DCAF7: variants seen among roughly 807,000 people sequenced by gnomAD.
DCAF7 encodes the protein DDB1- and CUL4-associated factor 7.
DCAF7 carries 4 observed loss-of-function variants against 41.2 expected under a neutral mutation model. The ratio of observed to expected loss-of-function variants is 0.10; its 90% CI spans 0.05 to 0.22. The LOEUF is 0.22. Ranked by LOEUF, DCAF7 falls within the 10% of genes least tolerant of loss-of-function variation. The probability of loss-of-function intolerance (pLI) is 1.00; values close to 1 mark genes in which losing one functional copy is unlikely to be tolerated. For missense variants in DCAF7, 131 were observed against 443.2 expected (o/e 0.30, Z 6.32); for synonymous variants, 143 against 164.2 (o/e 0.87, Z 0.99).
intron 1 of DCAF7, among the ~76,000 whole-genome samples, chr17:63,564,947 T>C (rs772077341): frequency 5.3e-5 from 8 of 152,212 alleles, no homozygotes; most frequent in Admixed American, 6.5e-5. Context: ...ATGAGAGTGC[T>C]ACTAACAATT....
rs1356879619 is a variant in DCAF7 at position 63,589,270 on chromosome 17, G to A, written c.*98G>A. ...GAAACATGTTTCCAGTGGCCAGTATGTCTTTCATTGCTTTGCACCCACTGT... is the reference window on the plus strand; with the variant it reads ...GAAACATGTTTCCAGTGGCCAGTATATCTTTCATTGCTTTGCACCCACTGT... On this transcript the variant is annotated 3_prime_UTR_variant, in exon 7 of 7. Transcript: ENST00000614556. 1 of 1,494,048 alleles carries A rather than the reference G, an allele frequency of 6.7e-7. No homozygotes were observed. The highest frequency in any genetic ancestry group is 9.2e-7 in the Non-Finnish European group (1 of 1,089,278). The allele number at this position is 1,494,048 out of a possible 1,614,324, so 92.5% of individuals were successfully genotyped here.
intron 1 of DCAF7, among the ~76,000 whole-genome samples, chr17:63,569,488 TACCACCAGGCCTG>T (rs1303386839): frequency 6.6e-6 from 1 of 152,024 alleles, no homozygotes; most frequent in African/African-American, 2.4e-5. Flanking sequence ...ATTCCAACAG[TACCACCAGGCCTG>T]ATCTCCAGGC....
chr17:63,550,577 C>T lies in DCAF7; in HGVS notation c.-101C>T, dbSNP rs780877170. 75 of 1,520,178 alleles carry T rather than the reference C, an allele frequency of 4.9e-5. No homozygotes were observed. Among genetic ancestry groups the T allele is most frequent in the Non-Finnish European group, 6.5e-5 (73 of 1,130,812 alleles). The allele number at this position is 1,520,178 out of a possible 1,614,324, so 94.2% of individuals were successfully genotyped here. On this transcript the variant is annotated 5_prime_UTR_variant, in exon 1 of 7. Transcript: ENST00000614556. The surrounding 1 kb of genome is among the most constrained non-coding windows in gnomAD (Gnocchi z 4.8). ...TTCCGGGTTAGGCCGTTCCTGCCCG[C>T]CCCCTCCTCTCCTCCCTTCGGACCC... is the stretch of plus-strand genomic sequence containing the variant.
At chr17:63,562,618 A>G (rs2033395291) in intron 1 of DCAF7, among the ~76,000 whole-genome samples, 3 of 151,204 alleles carry the variant, frequency 2.0e-5, no homozygotes, top group Admixed American at 2.0e-4. Context: ...TACACGTGCC[A>G]TGCTGGTGCG....
intron 6 of DCAF7, 59 bp from the exon 7 acceptor site, chr17:63,588,941 G>T (rs1045188957): frequency 2.6e-6 from 4 of 1,528,486 alleles, no homozygotes; most frequent in Non-Finnish European, 3.5e-6. Context: ...TGAAATGCAG[G>T]GATCATCATC....
At chr17:63,582,715 C>T (rs1190373873) in intron 4 of DCAF7, among the ~76,000 whole-genome samples, 1 of 152,110 alleles carries the variant, frequency 6.6e-6, no homozygotes, top group Non-Finnish European at 1.5e-5. Context: ...GTGATCCGCC[C>T]GCCTCAGCCT....
intron 1 of DCAF7, among the ~76,000 whole-genome samples, chr17:63,562,275 G>A (rs1032600067): frequency 1.3e-5 from 2 of 152,100 alleles, no homozygotes; most frequent in Admixed American, 1.3e-4. Context: ...AATTCACAGT[G>A]TATGATGAAA....
chr17:63,560,449 G>GA (rs1263665788), intron 1 of DCAF7, among the ~76,000 whole-genome samples: 1 of 152,168 alleles, frequency 6.6e-6, no homozygotes, highest in African/African-American at 2.4e-5. Context: ...GCTGTTAAAA[G>GA]AATGAGCTAG....
At chr17:63,588,366 T>C (rs961334232) in intron 6 of DCAF7, among the ~76,000 whole-genome samples, 4 of 151,234 alleles carry the variant, frequency 2.6e-5, no homozygotes, top group Non-Finnish European at 5.9e-5. Context: ...TTGTATTTTT[T>C]TTTTTTTTTT....
At position 63,585,174 on chromosome 17, in the gene DCAF7, C is replaced by T. The variant is rs774069397; in HGVS notation, c.739-37C>T. On this transcript the variant is annotated intron_variant, in intron 5 of 6. Transcript: ENST00000614556. Reference sequence around the variant, plus strand: ...ATTTTTTGTTTTTTTCTATGAAACTCTGATGATCCCAGGCCTTTTACTTGT... The same window carrying T: ...ATTTTTTGTTTTTTTCTATGAAACTTTGATGATCCCAGGCCTTTTACTTGT... 5.1e-6 allele frequency: 8 copies of T among 1,554,860 alleles called. No individual in the cohort carries two copies. In the South Asian group the frequency reaches 9.2e-5, roughly 18 times the overall value.
intron 1 of DCAF7, among the ~76,000 whole-genome samples, chr17:63,571,956 A>G (rs565406690): frequency 4.6e-5 from 7 of 152,048 alleles, no homozygotes; most frequent in South Asian, 4.1e-4. Flanking sequence ...TGTAGGCAGT[A>G]CAAGCAGAAG....
Position 63,550,828 on chromosome 17 carries a change from G to T in DCAF7, c.138+13G>T. Reference sequence around the variant, plus strand: ...GTACAACAACAAGGTGGGCCGGGCAGGGGCTCGGAACCCAGCTGGCGGGGA... The same window carrying T: ...GTACAACAACAAGGTGGGCCGGGCATGGGCTCGGAACCCAGCTGGCGGGGA... On this transcript the variant is annotated intron_variant, in intron 1 of 6. Coordinates refer to ENST00000614556, the MANE Select transcript of DCAF7 (RefSeq NM_005828.5). The surrounding 1 kb of genome is among the most constrained non-coding windows in gnomAD (Gnocchi z 4.8). 1 of 1,611,802 alleles carries T rather than the reference G, an allele frequency of 6.2e-7. No homozygotes were observed. The highest frequency in any genetic ancestry group is 8.5e-7 in the Non-Finnish European group (1 of 1,178,822).
chr17:63,559,431 A>ATGTGTGTGTG lies in DCAF7; in HGVS notation c.138+8625_138+8626insGTGTGTGTGT, dbSNP rs1179071331. On this transcript the variant is annotated intron_variant, in intron 1 of 6. Coordinates refer to ENST00000614556, the MANE Select transcript of DCAF7 (RefSeq NM_005828.5). ...TATGTATATATATACGTATATATAT[A>ATGTGTGTGTG]TGTGTGTGTATATATATATATATAT... 2.1e-3 allele frequency among the ~76,000 whole-genome samples: 206 copies of ATGTGTGTGTG among 98,220 alleles called. 1 individual carries two copies. The highest frequency in any genetic ancestry group is 4.2e-3 in the African/African-American group (80 of 18,914). 64.4% of individuals were successfully genotyped at this position (98,220 alleles called of 152,430 possible).
At chr17:63,584,925 T>A (rs2033661716) in intron 5 of DCAF7, among the ~76,000 whole-genome samples, 1 of 152,128 alleles carries the variant, frequency 6.6e-6, no homozygotes, top group Non-Finnish European at 1.5e-5. Flanking sequence ...TGCATAGAAT[T>A]CTTACCACAT....
chr17:63,588,612 T>C (rs1409108631), intron 6 of DCAF7, among the ~76,000 whole-genome samples: 1 of 152,192 alleles, frequency 6.6e-6, no homozygotes, highest in Non-Finnish European at 1.5e-5. Context: ...TTATATTGAA[T>C]GATCAGAGAA....
chr17:63,552,369 C>T (rs2033266856), intron 1 of DCAF7: 1 of 152,230 alleles, frequency 6.6e-6, no homozygotes, highest in Non-Finnish European at 1.5e-5. Flanking sequence ...TATGGATTCT[C>T]ATTGTCCAGA....
At chr17:63,587,887 G>A (rs1339740088) in intron 6 of DCAF7, among the ~76,000 whole-genome samples, 3 of 150,944 alleles carry the variant, frequency 2.0e-5, no homozygotes, top group South Asian at 2.1e-4. Flanking sequence ...TTGGGAGGCC[G>A]AGGCAGGAGA....
At chr17:63,559,892 A>G (rs574384901) in intron 1 of DCAF7, among the ~76,000 whole-genome samples, 10 of 152,336 alleles carry the variant, frequency 6.6e-5, no homozygotes, top group Non-Finnish European at 7.4e-5. Flanking sequence ...GGTGTGAGAA[A>G]GCCATGAAAG....
Position 63,590,724 on chromosome 17 carries a change from A to G in DCAF7, c.*1552A>G, listed in dbSNP as rs2033725839. On this transcript the variant is annotated 3_prime_UTR_variant, in exon 7 of 7. Coordinates refer to ENST00000614556, the MANE Select transcript of DCAF7 (RefSeq NM_005828.5). ...GTTTTTAAGTCCCTCTGAATTGCTC[A>G]TCTGAGATTAGTAGAGTAGCAGGCC... The G allele has an allele frequency of 6.6e-6, 1 of 152,574 alleles. No individual in the cohort carries two copies. The highest frequency in any genetic ancestry group is 6.5e-5 in the Admixed American group (1 of 15,280). The allele number at this position is 152,574 out of a possible 1,614,324, so 9.5% of individuals were successfully genotyped here.
Sources: allele counts gnomAD v4.1 joint callset (sites outside exome capture counted in the v4.1 genomes callset), GRCh38; gene constraint gnomAD v4.1.1; non-coding constraint Gnocchi (gnomAD v3.1); transcripts MANE v1.5; gene names NCBI Gene and HGNC (gene_info 2026-07-23, HGNC 2026-07-21).